KIAA1958: variants seen among roughly 807,000 people sequenced by gnomAD.
KIAA1958 encodes uncharacterized protein KIAA1958.
In KIAA1958, 14 loss-of-function variants were observed where a neutral mutation model predicts 47.2. The observed-to-expected ratio is 0.30, with a 90% CI of 0.20 to 0.46. The LOEUF is 0.46. Ranked by LOEUF, KIAA1958 falls within the 20% of genes least tolerant of loss-of-function variation. The pLI, the probability that KIAA1958 is intolerant of heterozygous loss-of-function variation, is 1.00. For synonymous variants in KIAA1958, 354 were observed against 353.3 expected, an observed-to-expected ratio of 1.00 and a Z score of -0.02; for missense variants, 803 against 909.2, an observed-to-expected ratio of 0.88 and a Z score of 1.50.
chr9:112,613,427 T>C (rs532617138), intron 2 of KIAA1958, among the ~76,000 whole-genome samples: 10 of 152,274 alleles, frequency 6.6e-5, no homozygotes, highest in Admixed American at 2.6e-4. Context: ...AACCTTGGAA[T>C]AAGCAAAATG....
intron 2 of KIAA1958, among the ~76,000 whole-genome samples, chr9:112,594,650 T>C (rs1406287990): frequency 6.6e-6 from 1 of 152,252 alleles, no homozygotes; most frequent in Non-Finnish European, 1.5e-5. Flanking sequence ...TTGGGTTGTT[T>C]TCACATTTTG....
intron 1 of KIAA1958, among the ~76,000 whole-genome samples, chr9:112,506,078 T>A (rs1461757492): frequency 6.6e-6 from 1 of 152,138 alleles, no homozygotes; most frequent in Admixed American, 6.5e-5. Context: ...ATAAAGTAAT[T>A]TTTGAACTAT....
chr9:112,644,194 A>G (rs563092631), intron 2 of KIAA1958, among the ~76,000 whole-genome samples: 1 of 151,352 alleles, frequency 6.6e-6, no homozygotes, highest in African/African-American at 2.4e-5. Flanking sequence ...AAACAAACAA[A>G]CAAAAAACAA....
chr9:112,501,483 C>T (rs748625290), intron 1 of KIAA1958, among the ~76,000 whole-genome samples: 2 of 152,058 alleles, frequency 1.3e-5, no homozygotes, highest in African/African-American at 4.8e-5. Context: ...GAAGTGAGAA[C>T]GCTGCCAAGA....
At chr9:112,598,994 A>G (rs547977428) in intron 2 of KIAA1958, among the ~76,000 whole-genome samples, 1 of 152,308 alleles carries the variant, frequency 6.6e-6, no homozygotes, top group South Asian at 2.1e-4. Flanking sequence ...AGACAGGAGG[A>G]TCGCTTGAGC....
rs1260644697 is a variant in KIAA1958 at position 112,574,861 on chromosome 9, A to T, written c.781A>T (p.Ser261Cys). 1.2e-6 allele frequency: 2 copies of T among 1,614,178 alleles called. No individual in the cohort carries two copies. Among genetic ancestry groups the T allele is most frequent in the Non-Finnish European group, 1.7e-6 (2 of 1,180,026 alleles). Residue 261 changes from serine (S) to cysteine (C), a missense_variant, in exon 2 of 4, where the codon AGC becomes TGC. Ser to Cys is a moderately radical substitution (Grantham distance 112). Around this residue, in one of 2 missense-constraint regions of KIAA1958, gnomAD observed 761 missense variants for 829.3 expected, o/e 0.92. Coordinates refer to ENST00000337530, the MANE Select transcript of KIAA1958 (RefSeq NM_133465.4). ...KLIPHVTSAI[S>C]TELDPHGMSA... ...GATTCCCCATGTCACATCTGCCATC[A>T]GCACGGAGCTAGACCCACACGGTAT...
intron 1 of KIAA1958, among the ~76,000 whole-genome samples, chr9:112,496,977 T>C (rs1342166492): frequency 1.3e-5 from 2 of 152,272 alleles, no homozygotes; most frequent in East Asian, 3.9e-4. Flanking sequence ...CCTGATATTG[T>C]TGAATATTTT....
chr9:112,613,246 T>C (rs2131212118), intron 2 of KIAA1958, among the ~76,000 whole-genome samples: 1 of 152,284 alleles, frequency 6.6e-6, no homozygotes, highest in African/African-American at 2.4e-5. Context: ...TAAAATCAAA[T>C]GGATCATGAT....
intron 2 of KIAA1958, among the ~76,000 whole-genome samples, chr9:112,623,004 A>G (rs531987734): frequency 1.3e-5 from 2 of 152,352 alleles, no homozygotes; most frequent in East Asian, 3.9e-4. Context: ...ACTATTTTGC[A>G]TAGTTTTCCA....
chr9:112,620,575 T>G, intron 2 of KIAA1958, among the ~76,000 whole-genome samples: 1 of 152,174 alleles, frequency 6.6e-6, no homozygotes, highest in Non-Finnish European at 1.5e-5. Flanking sequence ...AGCCATGGAC[T>G]TTGTGTCGTG....
chr9:112,647,931 T>G (rs1257596273), intron 3 of KIAA1958, among the ~76,000 whole-genome samples: 1 of 152,196 alleles, frequency 6.6e-6, no homozygotes, highest in Non-Finnish European at 1.5e-5. Flanking sequence ...AGAAAGAAAT[T>G]TCATCGTTTA....
At chr9:112,495,142 T>G (rs1426857909) in intron 1 of KIAA1958, among the ~76,000 whole-genome samples, 2 of 152,058 alleles carry the variant, frequency 1.3e-5, no homozygotes, top group African/African-American at 4.8e-5. Context: ...CTTGAATTCT[T>G]GGGCTTGTGA....
chr9:112,659,549 C>T lies in KIAA1958; in HGVS notation c.1631C>T (p.Ala544Val). ...SLSDEEEMWQ[A>V]GCLGDDSPIT... The stretch of plus-strand genomic sequence containing the variant: ...TCTGACGAGGAGGAGATGTGGCAGG[C>T]AGGGTGTCTGGGGGATGACAGCCCT... Residue 544 changes from alanine (A) to valine (V), a missense_variant, in exon 4 of 4, where the codon GCA becomes GTA. By Grantham distance (64) the Ala-to-Val change is moderately conservative (BLOSUM62 0). Transcript: ENST00000337530. 2 of 1,612,646 alleles carry T rather than the reference C, an allele frequency of 1.2e-6. No homozygotes were observed. Among genetic ancestry groups the T allele is most frequent in the South Asian group, 1.1e-5 (1 of 90,858 alleles).
intron 2 of KIAA1958, among the ~76,000 whole-genome samples, chr9:112,638,259 T>C (rs1836839088): frequency 6.6e-6 from 1 of 151,998 alleles, no homozygotes; most frequent in African/African-American, 2.4e-5. Context: ...AATGTCAGGA[T>C]TTTGGTAGGC....
At chr9:112,523,876 TC>T (rs1211439515) in intron 1 of KIAA1958, among the ~76,000 whole-genome samples, 1 of 152,188 alleles carries the variant, frequency 6.6e-6, no homozygotes, top group African/African-American at 2.4e-5. Context: ...GGCCATAGTT[TC>T]CCATTCCCCT....
chr9:112,518,696 G>C (rs758842090), intron 1 of KIAA1958, among the ~76,000 whole-genome samples: 1 of 152,028 alleles, frequency 6.6e-6, no homozygotes, highest in South Asian at 2.1e-4. Flanking sequence ...TTATCAAATT[G>C]TACATTTAAA....
chr9:112,603,555 A>C (rs1160442083), intron 2 of KIAA1958, among the ~76,000 whole-genome samples: 1 of 152,144 alleles, frequency 6.6e-6, no homozygotes, highest in Non-Finnish European at 1.5e-5. Flanking sequence ...ACACAGCTTA[A>C]GCTCTATTTG....
chr9:112,631,797 A>G (rs1328459910), intron 2 of KIAA1958, among the ~76,000 whole-genome samples: 1 of 152,162 alleles, frequency 6.6e-6, no homozygotes, highest in Admixed American at 6.5e-5. Flanking sequence ...GTATGTTTGT[A>G]AAAGATCTTT....
Position 112,526,968 on chromosome 9 carries a change from T to C in KIAA1958, c.-25+39850T>C, listed in dbSNP as rs185248057. On this transcript the variant is annotated intron_variant, in intron 1 of 3. Transcript: ENST00000337530. ...CTGCTTCTACAGCCTGGGAGGTGTTTATGATGAACCTATTTTAGCACTAAT... is the reference window on the plus strand; with the variant it reads ...CTGCTTCTACAGCCTGGGAGGTGTTCATGATGAACCTATTTTAGCACTAAT... 2.2e-4 allele frequency among the ~76,000 whole-genome samples: 34 copies of C among 152,366 alleles called. No individual in the cohort carries two copies. In the South Asian group the frequency reaches 6.0e-3, roughly 27 times the overall value.
Sources: gnomAD v4.1 joint callset for allele counts (sites outside exome capture counted in the v4.1 genomes callset) on GRCh38, gnomAD v4.1.1 for gene constraint, gnomAD v4.1.1 regional missense constraint, MANE v1.5 for transcripts, NCBI Gene and HGNC (gene_info 2026-07-23, HGNC 2026-07-21) for gene names.